The following KCNJ18 variants were observed in gnomAD, a reference collection of about 807,000 sequenced individuals.
KCNJ18 encodes the protein potassium inwardly rectifying channel subfamily J member 18, also known as inward rectifier potassium channel 18.
A neutral mutation model predicts 17.3 loss-of-function variants in KCNJ18; 16 were observed. The observed-to-expected ratio is 0.92, with a 90% CI of 0.62 to 1.40. KCNJ18 has a LOEUF of 1.40. Among genes scored for constraint, KCNJ18 ranks in the 40% most tolerant of loss-of-function variants. The pLI is 0.00. For missense variants in KCNJ18, 462 were observed against 626.8 expected (o/e 0.74, Z 2.81); for synonymous variants, 185 against 262.6 (o/e 0.70, Z 2.86).
intron 2 of KCNJ18, among the ~76,000 whole-genome samples, chr17:21,696,610 C>G (rs1905766570): frequency 1.3e-5 from 2 of 152,196 alleles, no homozygotes; most frequent in African/African-American, 2.4e-5. Context: ...AGAGATGGGG[C>G]CTGGGCAAGA....
At chr17:21,701,642 G>A (rs1905955912) in intron 2 of KCNJ18, among the ~76,000 whole-genome samples, 2 of 152,240 alleles carry the variant, frequency 1.3e-5, no homozygotes, top group African/African-American at 2.4e-5. Context: ...AAGAGAAAAC[G>A]TCTCACGCCT....
Position 21,702,992 on chromosome 17 carries a change from C to G in KCNJ18, c.206C>G (p.Ala69Gly). 6.2e-7 allele frequency: 1 copy of G among 1,608,956 alleles called. No individual in the cohort carries two copies. Among genetic ancestry groups the G allele is most frequent in the Non-Finnish European group, 8.5e-7 (1 of 1,178,344 alleles). ...NMDEKSQRYL[A>G]DMFTTCVDIR... ...GACGAGAAGTCACAGCGCTACCTGG[C>G]TGACATGTTCACCACCTGTGTGGAC... The change falls in exon 3 of 3, where the codon GCT becomes GGT. Residue 69 changes from alanine to glycine, a missense_variant. Coordinates refer to ENST00000567955, the MANE Select transcript of KCNJ18 (RefSeq NM_001194958.2).
intron 2 of KCNJ18, among the ~76,000 whole-genome samples, chr17:21,701,372 C>T (rs1439495858): frequency 6.6e-6 from 1 of 152,304 alleles, no homozygotes; most frequent in African/African-American, 2.4e-5. Context: ...TGCCCAGGTG[C>T]CAGGGTAGCA....
intron 1 of KCNJ18, among the ~76,000 whole-genome samples, chr17:21,695,174 T>A (rs1905721254): frequency 6.6e-6 from 1 of 151,274 alleles, no homozygotes; most frequent in Admixed American, 6.6e-5. Flanking sequence ...CATCCATCTA[T>A]CCAACCATCC....
intron 2 of KCNJ18, among the ~76,000 whole-genome samples, chr17:21,702,437 A>T (rs1272717754): frequency 2.0e-5 from 3 of 151,910 alleles, no homozygotes; most frequent in Non-Finnish European, 4.4e-5. Context: ...GCACTGTTAG[A>T]TTCAGGCCTT....
intron 1 of KCNJ18, among the ~76,000 whole-genome samples, chr17:21,694,641 TACCCACCCATCC>T (rs1159308907): frequency 2.2e-5 from 3 of 134,182 alleles, no homozygotes; most frequent in Non-Finnish European, 4.8e-5. Context: ...TCTATCCATC[TACCCACCCATCC>T]ACCCACCCAT....
rs1189584788 is a variant in KCNJ18 at position 21,704,125 on chromosome 17, C to T, written c.*37C>T. On this transcript the variant is annotated 3_prime_UTR_variant, in exon 3 of 3. Transcript: ENST00000567955. ...CCGACATGCAGCATCCACCCCTGGC[C>T]GGGGAGAGGCCCCGCGGTCGCTCAG... The T allele has an allele frequency of 3.0e-4, 449 of 1,492,014 alleles. No homozygotes were observed. The highest frequency in any genetic ancestry group is 3.6e-4 in the Non-Finnish European group (402 of 1,121,528). 92.4% of individuals were successfully genotyped at this position (1,492,014 alleles called of 1,614,324 possible).
intron 2 of KCNJ18, among the ~76,000 whole-genome samples, chr17:21,702,486 C>T (rs1455865724): frequency 6.6e-6 from 1 of 152,198 alleles, no homozygotes; most frequent in Non-Finnish European, 1.5e-5. Flanking sequence ...ATAGACTCTT[C>T]AGAGCCCTCA....
chr17:21,695,645 C>T (rs1464828807), intron 1 of KCNJ18, among the ~76,000 whole-genome samples: 4 of 152,416 alleles, frequency 2.6e-5, no homozygotes, highest in Non-Finnish European at 4.4e-5. Context: ...GGAATAGTAA[C>T]AACAATAGTT....
chr17:21,698,326 T>G (rs1905832150), intron 2 of KCNJ18, among the ~76,000 whole-genome samples: 1 of 151,936 alleles, frequency 6.6e-6, no homozygotes. Context: ...ATAATCACAG[T>G]GTGATGGAAG....
rs1470462862 is a variant in KCNJ18, at chr17:21,704,311, C to T, written c.*223C>T. The T allele has an allele frequency of 3.4e-6, 2 of 579,754 alleles. No homozygotes were observed. The highest frequency in any genetic ancestry group is 5.8e-6 in the Non-Finnish European group (2 of 343,160). The allele number at this position is 579,754 out of a possible 1,614,324, so 35.9% of individuals were successfully genotyped here. On this transcript the variant is annotated 3_prime_UTR_variant, in exon 3 of 3. Transcript: ENST00000567955. ...CTCAGAGGCTATCACAGGCTCAGGG[C>T]AAAGAAGTGGCCTCCTGGGGGGCCA...
At chr17:21,696,952 A>G (rs1645764657) in intron 2 of KCNJ18, among the ~76,000 whole-genome samples, 1 of 152,174 alleles carries the variant, frequency 6.6e-6, no homozygotes, top group Admixed American at 6.5e-5. Context: ...AAGAGAAGGA[A>G]GTGATAAAGG....
At chr17:21,696,858 T>C (rs1271752014) in intron 2 of KCNJ18, among the ~76,000 whole-genome samples, 4 of 152,002 alleles carry the variant, frequency 2.6e-5, no homozygotes, top group African/African-American at 4.8e-5. Flanking sequence ...CTGGAGACCC[T>C]ATGAGGAAGG....
In KCNJ18 at chr17:21,704,329, G is replaced by A. The variant is rs1203748771; in HGVS notation, c.*241G>A. On this transcript the variant is annotated 3_prime_UTR_variant, in exon 3 of 3. Transcript: ENST00000567955. ...CTCAGGGCAAAGAAGTGGCCTCCTGGGGGGCCAGGCCACGGGGGCCAGGGC... is the reference window on the plus strand; with the variant it reads ...CTCAGGGCAAAGAAGTGGCCTCCTGAGGGGCCAGGCCACGGGGGCCAGGGC... The A allele has an allele frequency of 1.0e-4, 47 of 455,028 alleles. No individual in the cohort carries two copies. In the East Asian group the frequency reaches 1.6e-3, roughly 16 times the overall value. 28.2% of individuals were successfully genotyped at this position (455,028 alleles called of 1,614,324 possible).
intron 2 of KCNJ18, among the ~76,000 whole-genome samples, chr17:21,697,275 A>C (rs1437711867): frequency 1.3e-5 from 2 of 152,308 alleles, no homozygotes; most frequent in African/African-American, 2.4e-5. Context: ...GCACACAGTG[A>C]TGTGTTGCTG....
chr17:21,703,152 C>T lies in KCNJ18; in HGVS notation c.366C>T (p.Pro122=), dbSNP rs1906028303. 2.5e-6 allele frequency: 4 copies of T among 1,610,970 alleles called. No homozygotes were observed. Among genetic ancestry groups the T allele is most frequent in the East Asian group, 2.2e-5 (1 of 44,786 alleles). Residue 122 remains proline (P), a synonymous_variant, in exon 3 of 3, where the codon CCC becomes CCT. Transcript: ENST00000567955. The part of the protein sequence containing the change: ...LEPAEGHGRT[P]CVMQVHGFMA... ...CGGCTGAGGGCCACGGCCGCACACC[C>T]TGTGTGATGCAGGTGCACGGCTTCA...
chr17:21,696,479 T>C (rs1403518442), intron 2 of KCNJ18, among the ~76,000 whole-genome samples: 7 of 152,136 alleles, frequency 4.6e-5, no homozygotes, highest in African/African-American at 1.7e-4. Flanking sequence ...CTTCCACCCA[T>C]CTCCTCATCC....
intron 1 of KCNJ18, among the ~76,000 whole-genome samples, chr17:21,694,359 G>GGGAT (rs1299625439): frequency 2.0e-5 from 3 of 151,856 alleles, no homozygotes; most frequent in Admixed American, 1.3e-4. Context: ...GGAAGGCAGG[G>GGGAT]GGATCCCTTT....
chr17:21,695,088 T>TA (rs1905718168), intron 1 of KCNJ18, among the ~76,000 whole-genome samples: 2 of 151,722 alleles, frequency 1.3e-5, no homozygotes, highest in Non-Finnish European at 2.9e-5. Context: ...TTCATTCATC[T>TA]ACCCATCCGC....
Sources: allele counts gnomAD v4.1 joint callset (sites outside exome capture counted in the v4.1 genomes callset), GRCh38; gene constraint gnomAD v4.1.1; transcripts MANE v1.5; gene names NCBI Gene and HGNC (gene_info 2026-07-23, HGNC 2026-07-21).